Variants in WDR27 observed in about 807,000 individuals in gnomAD.
WDR27 encodes WD repeat-containing protein 27.
In WDR27, 100 loss-of-function variants were observed where a neutral mutation model predicts 114.4. That is an observed-to-expected ratio of 0.87 (90% CI 0.74 to 1.03). The LOEUF (loss-of-function observed/expected upper bound fraction) is 1.03. Ranked by LOEUF, WDR27 falls within the 50% of genes least tolerant of loss-of-function variation. The pLI, the probability that WDR27 is intolerant of heterozygous loss-of-function variation, is 0.00. For missense variants in WDR27, 1,129 were observed against 1,092.9 expected (o/e 1.03, Z -0.47); for synonymous variants, 449 against 423.1 (o/e 1.06, Z -0.75).
At chr6:169,642,520 G>C (rs1819480579) in intron 17 of WDR27, among the ~76,000 whole-genome samples, 1 of 152,162 alleles carries the variant, frequency 6.6e-6, no homozygotes, top group African/African-American at 2.4e-5. Context: ...CTGCAGGATA[G>C]ATATGAGGTG....
At position 169,524,176 on chromosome 6, in the gene WDR27, C is replaced by T. The variant is rs563938430; in HGVS notation, c.2645+48243G>A. Among the ~76,000 whole-genome samples the T allele has an allele frequency of 4.6e-5, 7 of 152,030 alleles. No homozygotes were observed. The South Asian group carries it at 1.2e-3, about 27-fold the overall frequency. ...TTAAAAAGAAATCAAGAAAGCAATC[C>T]CATTACAATAGCTACAAAGAATATA... On this transcript the variant is annotated intron_variant, in intron 25 of 25. Coordinates refer to ENST00000448612, the MANE Select transcript of WDR27 (RefSeq NM_182552.5).
intron 25 of WDR27, among the ~76,000 whole-genome samples, chr6:169,568,971 T>C (rs1338851943): frequency 6.6e-6 from 1 of 152,178 alleles, no homozygotes; most frequent in African/African-American, 2.4e-5. Flanking sequence ...CGCATGCCCC[T>C]GGTTTGCTGT....
intron 2 of WDR27, among the ~76,000 whole-genome samples, chr6:169,673,191 C>T (rs1779200828): frequency 6.6e-6 from 1 of 152,016 alleles, no homozygotes; most frequent in African/African-American, 2.4e-5. Flanking sequence ...CCTAGGCGAA[C>T]AATGTCTCAA....
intron 21 of WDR27, among the ~76,000 whole-genome samples, chr6:169,618,236 C>T (rs1301465201): frequency 6.6e-6 from 1 of 152,008 alleles, no homozygotes; most frequent in Non-Finnish European, 1.5e-5. Flanking sequence ...ATTAAAAAAG[C>T]TGTTTAAACT....
intron 25 of WDR27, among the ~76,000 whole-genome samples, chr6:169,463,094 T>G (rs1056180793): frequency 1.3e-5 from 2 of 152,166 alleles, no homozygotes; most frequent in Non-Finnish European, 2.9e-5. Flanking sequence ...GAGATAGGAA[T>G]TCCAAGATCA....
intron 23 of WDR27, among the ~76,000 whole-genome samples, chr6:169,594,142 C>T (rs1477981611): frequency 6.6e-6 from 1 of 152,152 alleles, no homozygotes; most frequent in African/African-American, 2.4e-5. Context: ...TTAGAAACAA[C>T]ATTATTTTCA....
chr6:169,622,941 C>T (rs1813723854), intron 21 of WDR27, among the ~76,000 whole-genome samples: 1 of 152,188 alleles, frequency 6.6e-6, no homozygotes, highest in Admixed American at 6.5e-5. Context: ...AAACAAATCC[C>T]CTTCTTGCCT....
At chr6:169,534,248 A>T (rs917104228) in intron 25 of WDR27, among the ~76,000 whole-genome samples, 7 of 152,182 alleles carry the variant, frequency 4.6e-5, no homozygotes, top group Non-Finnish European at 1.0e-4. Flanking sequence ...CCACTTGCTG[A>T]TGGTGTGTAA....
chr6:169,480,115 G>A (rs368376559), intron 25 of WDR27, among the ~76,000 whole-genome samples: 6 of 152,204 alleles, frequency 3.9e-5, no homozygotes, highest in East Asian at 3.9e-4. Flanking sequence ...CGGGCTCAGC[G>A]GGTCCCACAC....
intron 23 of WDR27, among the ~76,000 whole-genome samples, chr6:169,594,551 T>C (rs1037058516): frequency 5.3e-5 from 8 of 152,324 alleles, no homozygotes; most frequent in Admixed American, 3.9e-4. Context: ...TACTTATTAT[T>C]TGGTTCTTAT....
intron 21 of WDR27, among the ~76,000 whole-genome samples, chr6:169,622,003 C>T (rs1212662020): frequency 6.6e-6 from 1 of 152,186 alleles, no homozygotes; most frequent in East Asian, 1.9e-4. Context: ...TTAGGGCCAA[C>T]CTGCCTCCCA....
intron 25 of WDR27, among the ~76,000 whole-genome samples, chr6:169,521,367 G>A (rs932184912): frequency 3.9e-5 from 6 of 151,960 alleles, no homozygotes; most frequent in Non-Finnish European, 7.4e-5. Flanking sequence ...TCACCACCAG[G>A]AGACCTGTCT....
chr6:169,577,118 A>AGGGACGCCAGCGGTGATGGGGAGAC (rs1802496034), intron 24 of WDR27, among the ~76,000 whole-genome samples: 1 of 150,532 alleles, frequency 6.6e-6, no homozygotes, highest in Non-Finnish European at 1.5e-5. Context: ...GGGCCACAAG[A>AGGGACGCCAGCGGTGATGGGGAGAC]GGGACGCCAG....
intron 25 of WDR27, among the ~76,000 whole-genome samples, chr6:169,569,781 G>A (rs1319429006): frequency 1.3e-5 from 2 of 152,182 alleles, no homozygotes; most frequent in Non-Finnish European, 2.9e-5. Flanking sequence ...TATTAATGCT[G>A]TGGCTTTGGT....
chr6:169,643,930 G>C (rs1450659771), intron 16 of WDR27, 144 bp from the exon 17 acceptor site: 3 of 611,956 alleles, frequency 4.9e-6, no homozygotes, highest in Admixed American at 6.1e-5. Context: ...TAGTTCACAA[G>C]AGTCACACTG....
At chr6:169,555,130 A>G (rs1584185282) in intron 25 of WDR27, among the ~76,000 whole-genome samples, 1 of 152,324 alleles carries the variant, frequency 6.6e-6, no homozygotes, top group African/African-American at 2.4e-5. Context: ...TTCCAGTGGC[A>G]CACAGGATAT....
intron 25 of WDR27, among the ~76,000 whole-genome samples, chr6:169,514,989 C>T (rs1348890651): frequency 6.6e-6 from 1 of 151,732 alleles, no homozygotes; most frequent in Non-Finnish European, 1.5e-5. Context: ...AACAAGATCT[C>T]ACCACTTGCA....
In WDR27 at chr6:169,660,714, A is replaced by T. The variant is rs768318200; in HGVS notation, c.1078T>A (p.Phe360Ile). 1.9e-6 allele frequency: 3 copies of T among 1,613,926 alleles called. No individual in the cohort carries two copies. The Admixed American group carries it at 5.0e-5, about 27-fold the overall frequency. Reference sequence around the variant, plus strand: ...TCCAGGTTTGCCAGGTTAAATACGAATAAGCCCACTGAGCTTCCGATCCAC... The same window carrying T: ...TCCAGGTTTGCCAGGTTAAATACGATTAAGCCCACTGAGCTTCCGATCCAC... ...CVWIGSSVGL[F>I]VFNLANLEVE... Residue 360 changes from phenylalanine to isoleucine, a missense_variant, in exon 10 of 26, where the codon TTC (phenylalanine) becomes ATC (isoleucine). Transcript: ENST00000448612.
intron 23 of WDR27, 141 bp from the exon 24 acceptor site, chr6:169,583,075 T>A (rs1316958370): frequency 1.5e-6 from 1 of 670,740 alleles, no homozygotes; most frequent in Non-Finnish European, 2.6e-6. Context: ...TGACAAAACA[T>A]CATCCAAGCT....
Sources: gnomAD v4.1 joint callset for allele counts (sites outside exome capture counted in the v4.1 genomes callset) on GRCh38, gnomAD v4.1.1 for gene constraint, MANE v1.5 for transcripts, NCBI Gene and HGNC (gene_info 2026-07-23, HGNC 2026-07-21) for gene names.